ATR: variants seen among roughly 807,000 people sequenced by gnomAD.
ATR encodes the protein ATR checkpoint kinase.
Under a neutral mutation model 305.3 loss-of-function variants are expected in ATR, and 142 were observed. The observed-to-expected ratio is 0.47, with a 90% CI of 0.41 to 0.53. ATR has a LOEUF of 0.53. Among genes scored for constraint, ATR ranks in the 20% least tolerant of loss-of-function variants. The pLI, the probability that ATR is intolerant of heterozygous loss-of-function variation, is 0.00. For synonymous variants in ATR, 1,050 were observed against 1,068.1 expected, an observed-to-expected ratio of 0.98 and a Z score of 0.33; for missense variants, 2,135 against 3,133.1, an observed-to-expected ratio of 0.68 and a Z score of 7.60.
chr3:142,469,710 A>G (rs935929693), intron 37 of ATR, 141 bp from the exon 38 acceptor site: 11 of 705,800 alleles, frequency 1.6e-5, no homozygotes, highest in Non-Finnish European at 2.1e-5. Context: ...TCACTTGCCA[A>G]TTTGTGAAAA....
intron 15 of ATR, among the ~76,000 whole-genome samples, chr3:142,548,669 CAAA>C (rs1185146027): frequency 2.6e-5 from 2 of 75,984 alleles, no homozygotes; most frequent in Admixed American, 1.5e-4. Flanking sequence ...ACTCCCATCA[CAAA>C]AAAAAAAAAA....
chr3:142,514,052 G>A (rs924804343), intron 25 of ATR, among the ~76,000 whole-genome samples: 1 of 150,800 alleles, frequency 6.6e-6, no homozygotes, highest in African/African-American at 2.4e-5. Context: ...GGAGGATCAC[G>A]AGGTCAAGAG....
At chr3:142,534,865 T>C (rs112964537) in intron 21 of ATR, among the ~76,000 whole-genome samples, 2 of 152,250 alleles carry the variant, frequency 1.3e-5, no homozygotes, top group East Asian at 3.9e-4. Context: ...CATCAAATCA[T>C]GATCCTTCAA....
intron 7 of ATR, 139 bp from the exon 8 acceptor site, chr3:142,558,915 A>G: frequency 1.1e-6 from 1 of 896,046 alleles, no homozygotes; most frequent in South Asian, 1.8e-5. Flanking sequence ...TCTATAAACG[A>G]TGGTCTGAGG....
intron 24 of ATR, among the ~76,000 whole-genome samples, chr3:142,516,398 C>T (rs960842131): frequency 1.3e-5 from 2 of 152,162 alleles, no homozygotes; most frequent in African/African-American, 4.8e-5. Context: ...AATCACTAAC[C>T]CACTTATAAG....
chr3:142,518,528 TA>T (rs1289178343), intron 24 of ATR, among the ~76,000 whole-genome samples: 2 of 152,050 alleles, frequency 1.3e-5, no homozygotes, highest in African/African-American at 4.8e-5. Flanking sequence ...AAAATAATAA[TA>T]ATAACAGTAA....
chr3:142,565,962 T>C (rs2035056326), intron 3 of ATR, among the ~76,000 whole-genome samples, 159 bp downstream of exon 3: 4 of 152,130 alleles, frequency 2.6e-5, no homozygotes, highest in Non-Finnish European at 5.9e-5. Context: ...ACAATAAGGA[T>C]ATGTGAAGGA....
At chr3:142,477,426 A>G (rs937547404) in intron 36 of ATR, among the ~76,000 whole-genome samples, 1 of 152,194 alleles carries the variant, frequency 6.6e-6, no homozygotes, top group Non-Finnish European at 1.5e-5. Flanking sequence ...CCAGCCTTAC[A>G]TCCCAGGGAT....
In ATR at chr3:142,578,559, T is replaced by G. The variant is rs566718874; in HGVS notation, c.59+87A>C. 2.1e-6 allele frequency: 3 copies of G among 1,436,014 alleles called. No homozygotes were observed. The Admixed American group carries it at 6.4e-5, about 30-fold the overall frequency. The allele number at this position is 1,436,014 out of a possible 1,614,324, so 89.0% of individuals were successfully genotyped here. On this transcript the variant is annotated intron_variant, in intron 1 of 46. Transcript: ENST00000350721. ...GCGGGGGCTTAGGGGATCCCAGCCA[T>G]AGCGCAGCAGGGGAGGGGAGAGCAC...
At chr3:142,567,275 G>A (rs529518101) in intron 2 of ATR, among the ~76,000 whole-genome samples, 1 of 152,316 alleles carries the variant, frequency 6.6e-6, no homozygotes, top group East Asian at 1.9e-4. Context: ...TATCTGGGAG[G>A]ACACTGTGAA....
At chr3:142,509,986 T>A (rs1054334877) in intron 27 of ATR, among the ~76,000 whole-genome samples, 2 of 151,920 alleles carry the variant, frequency 1.3e-5, no homozygotes, top group African/African-American at 2.4e-5. Context: ...TATGGTGGCA[T>A]GTGCCTGTAG....
At chr3:142,558,870 G>C (rs908138670) in intron 7 of ATR, 94 bp from the exon 8 acceptor site, 12 of 1,262,562 alleles carry the variant, frequency 9.5e-6, no homozygotes, top group Admixed American at 2.0e-5. Context: ...CTATCATAAT[G>C]ATCATTGGAT....
rs1006434945 is a variant in ATR, at chr3:142,549,593, T to C, written c.3057A>G (p.Lys1019=). The change falls in exon 15 of 47, where the codon AAA becomes AAG. Residue 1019 remains lysine (K), a synonymous_variant. Coordinates refer to ENST00000350721, the MANE Select transcript of ATR (RefSeq NM_001184.4). ...TCTCTCTACGATTGACATTTAATTG[T>C]TTTCCTAAAGTTCGAATGAGAGCAG... ...AASALIRTLG[K]QLNVNRREIL... is the part of the protein sequence containing the mutation. The C allele has an allele frequency of 3.7e-6, 6 of 1,613,264 alleles. No homozygotes were observed. The highest frequency in any genetic ancestry group is 1.3e-5 in the African/African-American group (1 of 74,916).
intron 28 of ATR, among the ~76,000 whole-genome samples, chr3:142,507,396 T>C (rs1310659646): frequency 1.3e-5 from 2 of 152,186 alleles, no homozygotes; most frequent in African/African-American, 4.8e-5. Flanking sequence ...AGAAGAGTAA[T>C]TCCTTGAATC....
intron 34 of ATR, 48 bp downstream of exon 34, chr3:142,496,313 T>TTATATATAC (rs2031622798): frequency 4.5e-5 from 9 of 198,746 alleles, no homozygotes; most frequent in Middle Eastern, 1.8e-3. Flanking sequence ...TATATATATA[T>TTATATATAC]ATATATATAT....
chr3:142,465,074 A>G (rs749607277), intron 41 of ATR, 23 bp downstream of exon 41: 21 of 1,377,050 alleles, frequency 1.5e-5, no homozygotes, highest in Admixed American at 8.3e-5. Context: ...AATAAATAAA[A>G]TAAAAGCAAA....
At chr3:142,514,205 G>A (rs1314340695) in intron 25 of ATR, among the ~76,000 whole-genome samples, 1 of 151,914 alleles carries the variant, frequency 6.6e-6, no homozygotes, top group Non-Finnish European at 1.5e-5. Context: ...CCCGGGAGGC[G>A]GAGGTTGCAG....
chr3:142,470,273 C>T, intron 36 of ATR, 90 bp from the exon 37 acceptor site: 1 of 1,092,686 alleles, frequency 9.2e-7, no homozygotes, highest in Non-Finnish European at 1.3e-6. Flanking sequence ...CTACCACATA[C>T]CGTTTTCACA....
At chr3:142,481,607 T>A (rs2030490532) in intron 36 of ATR, among the ~76,000 whole-genome samples, 1 of 152,144 alleles carries the variant, frequency 6.6e-6, no homozygotes, top group Admixed American at 6.6e-5. Context: ...CTGGCTAATA[T>A]AGCCTCCCAC....
Sources: allele counts gnomAD v4.1 joint callset (sites outside exome capture counted in the v4.1 genomes callset), GRCh38; gene constraint gnomAD v4.1.1; transcripts MANE v1.5; gene names NCBI Gene and HGNC (gene_info 2026-07-23, HGNC 2026-07-21).